The following METTL15 variants were observed in gnomAD, a reference collection of about 807,000 sequenced individuals.
METTL15 encodes methyltransferase 15, mitochondrial 12S rRNA N4-cytidine.
METTL15 carries 34 observed loss-of-function variants against 38.3 expected under a neutral mutation model. That is an observed-to-expected ratio of 0.89 (90% CI 0.68 to 1.18). The LOEUF (loss-of-function observed/expected upper bound fraction) is 1.18. Among genes scored for constraint, METTL15 ranks in the 50% most tolerant of loss-of-function variants. The pLI is 0.00. For missense variants in METTL15, 438 were observed against 498.4 expected, an observed-to-expected ratio of 0.88 and a Z score of 1.15; for synonymous variants, 162 against 170.9, an observed-to-expected ratio of 0.95 and a Z score of 0.41.
At chr11:28,339,145 G>T (rs1590338466) in intron 3 of METTL15, among the ~76,000 whole-genome samples, 1 of 152,058 alleles carries the variant, frequency 6.6e-6, no homozygotes, top group South Asian at 2.1e-4. Context: ...GTCCCTAAGT[G>T]CCTTTCAAAA....
At chr11:28,389,085 A>C (rs1456891543) in intron 5 of METTL15, among the ~76,000 whole-genome samples, 1 of 151,776 alleles carries the variant, frequency 6.6e-6, no homozygotes, top group Non-Finnish European at 1.5e-5. Flanking sequence ...CTATCGTTGT[A>C]GGATATGTGG....
chr11:28,364,375 T>C (rs1341932201), intron 5 of METTL15, among the ~76,000 whole-genome samples: 1 of 152,308 alleles, frequency 6.6e-6, no homozygotes, highest in African/African-American at 2.4e-5. Context: ...GTTTTGTAGT[T>C]CTCCTTGTAG....
At chr11:28,307,671 G>T (rs370068700) in intron 6 of METTL15, among the ~76,000 whole-genome samples, 2 of 151,952 alleles carry the variant, frequency 1.3e-5, no homozygotes, top group Non-Finnish European at 2.9e-5. Flanking sequence ...TAGCAAAGTA[G>T]TGAATTTGAC....
At chr11:28,360,340 T>TA (rs1215215166) in intron 4 of METTL15, among the ~76,000 whole-genome samples, 6 of 152,222 alleles carry the variant, frequency 3.9e-5, no homozygotes, top group Non-Finnish European at 8.8e-5. Context: ...GGAACAGGTT[T>TA]AAAAACAGGG....
intron 6 of METTL15, among the ~76,000 whole-genome samples, chr11:28,431,789 TTAAAAAAAAAAAAAA>T (rs1277298479): frequency 1.0e-4 from 1 of 9,962 alleles, no homozygotes; most frequent in Admixed American, 1.7e-3. Context: ...AAAAATAAAT[TTAAAAAAAAAAAAAA>T]AAAGAAAAAA....
At chr11:28,281,719 G>A (rs956216475) in intron 4 of METTL15, among the ~76,000 whole-genome samples, 3 of 152,244 alleles carry the variant, frequency 2.0e-5, no homozygotes, top group African/African-American at 7.2e-5. Context: ...CTAGAAAAGT[G>A]CCTGACATTT....
intron 3 of METTL15, among the ~76,000 whole-genome samples, chr11:28,200,909 G>C (rs1440102506): frequency 1.3e-5 from 2 of 151,928 alleles, no homozygotes; most frequent in Non-Finnish European, 2.9e-5. Context: ...TCTTTCTCTT[G>C]CCTGATTGCC....
chr11:28,311,160 T>C (rs1857289557), intron 6 of METTL15, among the ~76,000 whole-genome samples: 1 of 152,150 alleles, frequency 6.6e-6, no homozygotes, highest in Non-Finnish European at 1.5e-5. Flanking sequence ...AGAGCAGCAA[T>C]TAAATCATTG....
At chr11:28,365,761 A>C (rs1312468575) in intron 5 of METTL15, among the ~76,000 whole-genome samples, 1 of 152,156 alleles carries the variant, frequency 6.6e-6, no homozygotes, top group Non-Finnish European at 1.5e-5. Context: ...AAATAACAAA[A>C]AATGGGCCAG....
intron 3 of METTL15, among the ~76,000 whole-genome samples, chr11:28,168,468 T>G (rs1453517905): frequency 6.9e-6 from 1 of 144,678 alleles, no homozygotes; most frequent in Non-Finnish European, 1.5e-5. Flanking sequence ...TAAATGATGC[T>G]TTTTTTTTTT....
chr11:28,304,940 A>G (rs1463840750), intron 6 of METTL15, among the ~76,000 whole-genome samples: 1 of 152,140 alleles, frequency 6.6e-6, no homozygotes, highest in African/African-American at 2.4e-5. Context: ...CTCTGATGGA[A>G]AATGGTATGG....
chr11:28,517,772 T>G (rs1851731570), intron 6 of METTL15, among the ~76,000 whole-genome samples: 1 of 152,224 alleles, frequency 6.6e-6, no homozygotes, highest in Admixed American at 6.5e-5. Flanking sequence ...CTGACAATGA[T>G]GTGTGTGGGG....
intron 3 of METTL15, among the ~76,000 whole-genome samples, chr11:28,116,664 A>T (rs148196372): frequency 5.0e-4 from 76 of 152,354 alleles, no homozygotes; most frequent in African/African-American, 1.8e-3. Flanking sequence ...GCCATCAGTG[A>T]TACGATGTGG....
At chr11:28,271,452 A>G (rs1855634977) in intron 4 of METTL15, among the ~76,000 whole-genome samples, 2 of 152,062 alleles carry the variant, frequency 1.3e-5, no homozygotes, top group African/African-American at 4.8e-5. Flanking sequence ...AATATTCTCA[A>G]CCACACAATA....
chr11:28,217,998 T>C (rs536811216), intron 4 of METTL15, among the ~76,000 whole-genome samples: 2 of 152,204 alleles, frequency 1.3e-5, no homozygotes, highest in Non-Finnish European at 2.9e-5. Context: ...AGCTTGATGC[T>C]ACCAGCTTTG....
At chr11:28,375,840 G>C (rs879088420) in intron 5 of METTL15, among the ~76,000 whole-genome samples, 1 of 151,570 alleles carries the variant, frequency 6.6e-6, no homozygotes, top group Non-Finnish European at 1.5e-5. Flanking sequence ...TGCTTTGAAT[G>C]CGTCCCAGAG....
intron 6 of METTL15, among the ~76,000 whole-genome samples, chr11:28,298,815 A>G (rs986636124): frequency 4.6e-5 from 7 of 152,098 alleles, no homozygotes; most frequent in Non-Finnish European, 1.0e-4. Context: ...AACTTTATTA[A>G]TGATAATATG....
rs1343845090 is a variant in METTL15, at chr11:28,332,363, A to G, written c.*1522A>G. ...TATTTGTGAATGAGACATATTCCCAAAAAATTCTTATCTCTGTATGTGATT... is the reference window on the plus strand; with the variant it reads ...TATTTGTGAATGAGACATATTCCCAGAAAATTCTTATCTCTGTATGTGATT... On this transcript the variant is annotated 3_prime_UTR_variant, in exon 7 of 7. Transcript: ENST00000407364. 1.3e-5 allele frequency: 2 copies of G among 152,170 alleles called. No homozygotes were observed. Among genetic ancestry groups the G allele is most frequent in the Non-Finnish European group, 2.9e-5 (2 of 68,028 alleles). The allele number at this position is 152,170 out of a possible 1,614,324, so 9.4% of individuals were successfully genotyped here.
intron 4 of METTL15, among the ~76,000 whole-genome samples, chr11:28,213,977 T>C (rs535548666): frequency 1.3e-5 from 2 of 152,074 alleles, no homozygotes; most frequent in African/African-American, 4.8e-5. Flanking sequence ...TTTACACTAA[T>C]CCTGACCATG....
Sources: allele counts gnomAD v4.1 joint callset (sites outside exome capture counted in the v4.1 genomes callset), GRCh38; gene constraint gnomAD v4.1.1; transcripts MANE v1.5; gene names NCBI Gene and HGNC (gene_info 2026-07-23, HGNC 2026-07-21).